RAB27B: variants seen among roughly 807,000 people sequenced by gnomAD.
The protein encoded by RAB27B is RAB27B, member RAS oncogene family, also known as ras-related protein Rab-27B.
A neutral mutation model predicts 24.6 loss-of-function variants in RAB27B; 15 were observed. That is an observed-to-expected ratio of 0.61 (90% confidence interval 0.41 to 0.94). The LOEUF is 0.94. Ranked by LOEUF, RAB27B falls within the 40% of genes least tolerant of loss-of-function variation. The pLI is 0.00. For missense variants in RAB27B, 261 were observed against 266.8 expected (o/e 0.98, Z 0.15); for synonymous variants, 105 against 92.5 (o/e 1.14, Z -0.78).
chr18:54,894,236 T>C lies in RAB27B; in HGVS notation c.*4823T>C, dbSNP rs1428670049. 6.6e-6 allele frequency: 1 copy of C among 151,846 alleles called. No individual in the cohort carries two copies. Among genetic ancestry groups the C allele is most frequent in the Non-Finnish European group, 1.5e-5 (1 of 67,840 alleles). 9.4% of individuals were successfully genotyped at this position (151,846 alleles called of 1,614,324 possible). ...ACAAACAAAAACTTTAGTGCCAAAA[T>C]AGTGGAACTATTTTGTCATCTTTTG... On this transcript the variant is annotated 3_prime_UTR_variant, in exon 6 of 6. Transcript: ENST00000262094.
chr18:54,798,619 G>C (rs1215976577), intron 2 of RAB27B, among the ~76,000 whole-genome samples: 1 of 152,178 alleles, frequency 6.6e-6, no homozygotes, highest in Admixed American at 6.5e-5. Context: ...TGTGTGTGAG[G>C]CCTTCAAAGA....
intron 2 of RAB27B, among the ~76,000 whole-genome samples, chr18:54,793,095 AG>A (rs979452769): frequency 5.1e-5 from 2 of 39,164 alleles, no homozygotes; most frequent in South Asian, 1.2e-3. Flanking sequence ...CATCAACTGT[AG>A]TTTTTTTTTT....
At chr18:54,808,592 C>A (rs1909867875) in intron 2 of RAB27B, among the ~76,000 whole-genome samples, 1 of 152,168 alleles carries the variant, frequency 6.6e-6, no homozygotes, top group East Asian at 1.9e-4. Flanking sequence ...AGCCGATATC[C>A]ATGTGAGTAT....
intron 1 of RAB27B, among the ~76,000 whole-genome samples, chr18:54,844,552 A>G (rs1911252399): frequency 6.6e-6 from 1 of 151,714 alleles, no homozygotes; most frequent in South Asian, 2.1e-4. Flanking sequence ...GATTGCAGGC[A>G]TTAGCCACCA....
At chr18:54,865,245 G>GTT (rs1912168743) in intron 1 of RAB27B, among the ~76,000 whole-genome samples, 1 of 150,358 alleles carries the variant, frequency 6.7e-6, no homozygotes, top group Non-Finnish European at 1.5e-5. Context: ...TTTTGTGTGT[G>GTT]TGTGTGTGTG....
chr18:54,843,494 T>C (rs1356891122), intron 1 of RAB27B, among the ~76,000 whole-genome samples: 1 of 152,192 alleles, frequency 6.6e-6, no homozygotes, highest in Non-Finnish European at 1.5e-5. Context: ...CTCTGCTGTT[T>C]CCTCTCCTGA....
intron 4 of RAB27B, among the ~76,000 whole-genome samples, chr18:54,887,765 G>T (rs2145294236): frequency 6.6e-6 from 1 of 152,200 alleles, no homozygotes; most frequent in South Asian, 2.1e-4. Flanking sequence ...ATTGATACAG[G>T]TGTTTCATAT....
rs372773293 is a variant in RAB27B at position 54,773,674 on chromosome 18, CTT to C, written c.-20+55546_-20+55547del. ...CATAAAGCAAGAGACAATCTACTTT[CTT>C]TTTTTTTTTTTTCTTTTGAGACAGA... On this transcript the variant is annotated intron_variant, in intron 2 of 4. Coordinates refer to the RAB27B transcript ENST00000586570. Among the ~76,000 whole-genome samples, 1,189 of 144,034 alleles carry C rather than the reference CTT, an allele frequency of 8.3e-3. 10 individuals are homozygous for C. Among genetic ancestry groups the C allele is most frequent in the African/African-American group, 0.029 (1,157 of 39,498 alleles). The allele number at this position is 144,034 out of a possible 152,430, so 94.5% of individuals were successfully genotyped here. A position where few individuals can be genotyped will look rare whatever the true frequency, so the allele number is the denominator to read the frequency against.
intron 2 of RAB27B, among the ~76,000 whole-genome samples, chr18:54,755,448 T>TA (rs1207937179): frequency 2.0e-5 from 3 of 152,108 alleles, no homozygotes. Context: ...GGTTTTGTAT[T>TA]AAAAAATAGT....
intron 2 of RAB27B, among the ~76,000 whole-genome samples, chr18:54,719,853 C>T (rs1425639085): frequency 6.6e-6 from 1 of 152,006 alleles, no homozygotes; most frequent in Non-Finnish European, 1.5e-5. Flanking sequence ...AATTCCTACC[C>T]ATCATATAAT....
At chr18:54,828,017 C>T (rs1429869829), upstream of RAB27B, among the ~76,000 whole-genome samples, 1 of 152,160 alleles carries the variant, frequency 6.6e-6, no homozygotes, top group Admixed American at 6.5e-5. Flanking sequence ...ATGTTGCATA[C>T]TGATTAATGC....
At chr18:54,817,911 TC>T (rs1910169041) in intron 2 of RAB27B, among the ~76,000 whole-genome samples, 1 of 152,064 alleles carries the variant, frequency 6.6e-6, no homozygotes, top group Non-Finnish European at 1.5e-5. Flanking sequence ...AATTCACTCT[TC>T]CATCACATTA....
chr18:54,740,859 A>G (rs1457492329), intron 2 of RAB27B, among the ~76,000 whole-genome samples: 1 of 152,228 alleles, frequency 6.6e-6, no homozygotes, highest in Non-Finnish European at 1.5e-5. Flanking sequence ...GATAATATAA[A>G]GAATGAAATG....
intron 1 of RAB27B, among the ~76,000 whole-genome samples, chr18:54,876,481 A>T (rs1358927372): frequency 2.0e-5 from 3 of 152,138 alleles, no homozygotes; most frequent in African/African-American, 7.2e-5. Context: ...TTCTAGAAAA[A>T]TCTTCATAGG....
In RAB27B at chr18:54,881,547, G is replaced by T. The variant is rs533152873; in HGVS notation, c.239+2093G>T. On this transcript the variant is annotated intron_variant, in intron 3 of 5. Coordinates refer to ENST00000262094, the MANE Select transcript of RAB27B (RefSeq NM_004163.4). Reference sequence around the variant, plus strand: ...TATCTTATAAGCAGAGGGAGTTTCAGTGTTTCAGCAAGTTATTTCCTTCTT... The same window carrying T: ...TATCTTATAAGCAGAGGGAGTTTCATTGTTTCAGCAAGTTATTTCCTTCTT... Among the ~76,000 whole-genome samples, 11 of 152,274 alleles carry T rather than the reference G, an allele frequency of 7.2e-5. No homozygotes were observed. In the East Asian group the frequency reaches 1.5e-3, roughly 21 times the overall value.
chr18:54,815,969 G>A (rs1910109226), intron 2 of RAB27B, among the ~76,000 whole-genome samples: 1 of 152,114 alleles, frequency 6.6e-6, no homozygotes, highest in Non-Finnish European at 1.5e-5. Flanking sequence ...CTTTCTTTAA[G>A]TACCAAAATA....
intron 2 of RAB27B, among the ~76,000 whole-genome samples, chr18:54,810,367 A>G (rs977020981): frequency 6.6e-6 from 1 of 152,210 alleles, no homozygotes; most frequent in Non-Finnish European, 1.5e-5. Context: ...TGTGTCAGGT[A>G]TGCAACCCTA....
chr18:54,871,125 A>G (rs1912448152), intron 1 of RAB27B, among the ~76,000 whole-genome samples: 1 of 152,252 alleles, frequency 6.6e-6, no homozygotes, highest in African/African-American at 2.4e-5. Context: ...ATGGGCACTC[A>G]TCAATTAATT....
intron 2 of RAB27B, among the ~76,000 whole-genome samples, chr18:54,746,520 G>A (rs541694002): frequency 2.6e-4 from 39 of 152,254 alleles, no homozygotes; most frequent in African/African-American, 7.5e-4. Flanking sequence ...GATCAGAGAT[G>A]CTTGTAGATA....
Sources: gnomAD v4.1 joint callset for allele counts (sites outside exome capture counted in the v4.1 genomes callset) on GRCh38, gnomAD v4.1.1 for gene constraint, MANE v1.5 for transcripts, NCBI Gene and HGNC (gene_info 2026-07-23, HGNC 2026-07-21) for gene names.